Variants in DACH1 observed in about 807,000 individuals in gnomAD.
DACH1 encodes the protein dachshund family transcription factor 1, also known as dachshund homolog 1.
In DACH1, 12 loss-of-function variants were observed where a neutral mutation model predicts 54.2. The observed-to-expected ratio is 0.22, with a 90% CI of 0.14 to 0.36. The LOEUF is 0.36. DACH1 is among the 10% of genes least tolerant of loss of function. The probability of loss-of-function intolerance (pLI) is 1.00; values close to 1 mark genes in which losing one functional copy is unlikely to be tolerated. For synonymous variants in DACH1, 386 were observed against 366.2 expected (o/e 1.05, Z -0.62); for missense variants, 805 against 929.8 (o/e 0.87, Z 1.75).
intron 10 of DACH1, 139 bp downstream of exon 10, chr13:71,475,002 C>A (rs1877389778): frequency 8.8e-6 from 6 of 684,632 alleles, no homozygotes; most frequent in South Asian, 1.8e-5. Flanking sequence ...CTCATATAAA[C>A]AAGCAAGATG....
At chr13:71,720,781 T>G (rs1883197621) in intron 1 of DACH1, among the ~76,000 whole-genome samples, 1 of 152,148 alleles carries the variant, frequency 6.6e-6, no homozygotes, top group Non-Finnish European at 1.5e-5. Context: ...CAGACAGTTA[T>G]GTTCTCTAAA....
intron 2 of DACH1, among the ~76,000 whole-genome samples, chr13:71,644,891 T>TAGC (rs1258319434): frequency 1.3e-5 from 2 of 152,142 alleles, no homozygotes; most frequent in Non-Finnish European, 2.9e-5. Flanking sequence ...AGCAGGTTTA[T>TAGC]AGCAGCAGCT....
intron 1 of DACH1, among the ~76,000 whole-genome samples, chr13:71,822,880 G>GA (rs920978851): frequency 2.0e-5 from 3 of 151,804 alleles, no homozygotes; most frequent in South Asian, 2.1e-4. Flanking sequence ...TCTCCACAAT[G>GA]AAAAAAATCA....
rs1350949225 is a variant in DACH1, at chr13:71,748,037, C to A, written c.849-66127G>T. On this transcript the variant is annotated intron_variant, in intron 1 of 10. Coordinates refer to ENST00000613252, the MANE Select transcript of DACH1 (RefSeq NM_080759.6). ...TGGGGGACAGCATGTTGACTTCCAA[C>A]TATAAAAAGATTAAGTACAGTTAGA... is the stretch of plus-strand genomic sequence containing the variant. Among the ~76,000 whole-genome samples the A allele has an allele frequency of 2.0e-5, 3 of 152,086 alleles. No homozygotes were observed. In the East Asian group the frequency reaches 5.8e-4, roughly 29 times the overall value.
At chr13:71,610,094 T>C (rs758262761) in intron 3 of DACH1, among the ~76,000 whole-genome samples, 14 of 151,476 alleles carry the variant, frequency 9.2e-5, no homozygotes, top group Non-Finnish European at 1.6e-4. Flanking sequence ...ACTACACTGA[T>C]AGAAAAAAAA....
chr13:71,444,139 T>A (rs2138099784), intron 10 of DACH1, among the ~76,000 whole-genome samples: 1 of 152,204 alleles, frequency 6.6e-6, no homozygotes, highest in Non-Finnish European at 1.5e-5. Context: ...TTTCTGTCTT[T>A]CGTATATTTA....
chr13:71,548,851 G>A (rs1320702306), intron 6 of DACH1, among the ~76,000 whole-genome samples: 1 of 152,050 alleles, frequency 6.6e-6, no homozygotes, highest in Admixed American at 6.6e-5. Flanking sequence ...AGGAGGTGGA[G>A]GTTGAAGTGA....
At chr13:71,654,840 A>T (rs1878981366) in intron 2 of DACH1, among the ~76,000 whole-genome samples, 3 of 152,244 alleles carry the variant, frequency 2.0e-5, no homozygotes, top group Non-Finnish European at 4.4e-5. Flanking sequence ...ACAATAAAAA[A>T]ATGATAAAAT....
At chr13:71,854,414 T>A (rs895568633) in intron 1 of DACH1, among the ~76,000 whole-genome samples, 1 of 152,134 alleles carries the variant, frequency 6.6e-6, no homozygotes, top group Non-Finnish European at 1.5e-5. Context: ...TTGAGTATCA[T>A]GTACAATTCT....
At chr13:71,547,711 T>G (rs1373739652) in intron 6 of DACH1, among the ~76,000 whole-genome samples, 3 of 152,156 alleles carry the variant, frequency 2.0e-5, no homozygotes, top group African/African-American at 7.2e-5. Flanking sequence ...CAAAATATCA[T>G]CAGGTTACTA....
rs538938572 is a variant in DACH1 at position 71,687,875 on chromosome 13, T to C, written c.849-5965A>G. On this transcript the variant is annotated intron_variant, in intron 1 of 10. Transcript: ENST00000613252. ...CCACCCGCTTCAGCCTCCCAAAGCA[T>C]TGGAATTACAGTGTGAGCCACCGCA... Among the ~76,000 whole-genome samples the C allele has an allele frequency of 7.2e-5, 11 of 152,280 alleles. No individual in the cohort carries two copies. The East Asian group carries it at 1.2e-3, about 16-fold the overall frequency.
At chr13:71,666,884 G>A (rs143576385) in intron 2 of DACH1, among the ~76,000 whole-genome samples, 225 of 152,194 alleles carry the variant, frequency 1.5e-3, no homozygotes, top group African/African-American at 2.7e-3. Flanking sequence ...TGGGAGGCAG[G>A]AGAATTGCTT....
At chr13:71,865,169 C>T (rs1254247530) in intron 1 of DACH1, among the ~76,000 whole-genome samples, 1 of 152,112 alleles carries the variant, frequency 6.6e-6, no homozygotes, top group African/African-American at 2.4e-5. Context: ...ATTTCCTTTG[C>T]ACACGCACTC....
At chr13:71,824,208 G>A (rs1019327945) in intron 1 of DACH1, among the ~76,000 whole-genome samples, 21 of 151,750 alleles carry the variant, frequency 1.4e-4, no homozygotes, top group Admixed American at 4.6e-4. Context: ...TTTGATCTAC[G>A]TAATAACTAT....
At chr13:71,735,535 T>TACGGG (rs1336328326) in intron 1 of DACH1, among the ~76,000 whole-genome samples, 5 of 148,798 alleles carry the variant, frequency 3.4e-5, no homozygotes, top group African/African-American at 1.0e-4. Flanking sequence ...TATACACGTA[T>TACGGG]ATGGGATATA....
At chr13:71,693,559 C>G (rs931125101) in intron 1 of DACH1, among the ~76,000 whole-genome samples, 9 of 147,930 alleles carry the variant, frequency 6.1e-5, no homozygotes, top group Non-Finnish European at 1.2e-4. Context: ...ACCTGGTGAT[C>G]CGCCCGCCTC....
At chr13:71,625,369 C>A (rs1168305133) in intron 3 of DACH1, among the ~76,000 whole-genome samples, 1 of 151,886 alleles carries the variant, frequency 6.6e-6, no homozygotes, top group Non-Finnish European at 1.5e-5. Context: ...TTCCTGAAAT[C>A]ATAAAATTAA....
intron 3 of DACH1, among the ~76,000 whole-genome samples, chr13:71,617,725 G>C (rs192890331): frequency 2.5e-3 from 379 of 152,196 alleles, no homozygotes; most frequent in Non-Finnish European, 4.4e-3. Context: ...AGAAAGTACA[G>C]ATATAAATAA....
chr13:71,677,861 A>G (rs1426709800), intron 2 of DACH1, among the ~76,000 whole-genome samples: 1 of 152,000 alleles, frequency 6.6e-6, no homozygotes, highest in Non-Finnish European at 1.5e-5. Flanking sequence ...TTGGGATTAC[A>G]GGCGCCCACC....
Sources: allele counts gnomAD v4.1 joint callset (sites outside exome capture counted in the v4.1 genomes callset), GRCh38; gene constraint gnomAD v4.1.1; transcripts MANE v1.5; gene names NCBI Gene and HGNC (gene_info 2026-07-23, HGNC 2026-07-21).